TIAM1: variants seen among roughly 807,000 people sequenced by gnomAD.
The protein encoded by TIAM1 is TIAM Rac1 associated GEF 1.
Under a neutral mutation model 163.5 loss-of-function variants are expected in TIAM1, and 65 were observed. That is an observed-to-expected ratio of 0.40 (90% CI 0.33 to 0.49). The LOEUF (loss-of-function observed/expected upper bound fraction) is 0.49. TIAM1 is among the 20% of genes least tolerant of loss of function. The pLI is 0.77. For synonymous variants in TIAM1, 833 were observed against 810.1 expected (o/e 1.03, Z -0.48); for missense variants, 1,789 against 2,044.7 (o/e 0.87, Z 2.41).
At chr21:31,462,196 ACT>A (rs2045353355) in intron 2 of TIAM1, among the ~76,000 whole-genome samples, 1 of 152,250 alleles carries the variant, frequency 6.6e-6, no homozygotes, top group South Asian at 2.1e-4. Flanking sequence ...CAACTACTCA[ACT>A]CTGCTGTTGT....
chr21:31,155,520 T>G (rs1213555928), intron 16 of TIAM1, among the ~76,000 whole-genome samples: 1 of 152,216 alleles, frequency 6.6e-6, no homozygotes, highest in Non-Finnish European at 1.5e-5. Flanking sequence ...TTTTTTTTTT[T>G]TTGAGACGGA....
At chr21:31,234,977 C>A (rs993558416) in intron 6 of TIAM1, among the ~76,000 whole-genome samples, 1 of 152,136 alleles carries the variant, frequency 6.6e-6, no homozygotes, top group East Asian at 1.9e-4. Flanking sequence ...TTCCAAATTA[C>A]TCAAATATTA....
At chr21:31,158,873 T>C (rs1305011590) in intron 16 of TIAM1, among the ~76,000 whole-genome samples, 6 of 151,878 alleles carry the variant, frequency 4.0e-5, no homozygotes, top group South Asian at 2.1e-4. Flanking sequence ...ATAGGAGGAG[T>C]TGGGTTCAAG....
chr21:31,205,036 GATA>G lies in TIAM1; in HGVS notation c.2389-2027_2389-2025del, dbSNP rs563518853. 2.2e-4 allele frequency among the ~76,000 whole-genome samples: 34 copies of G among 152,312 alleles called. No homozygotes were observed. In the East Asian group the frequency reaches 6.6e-3, roughly 29 times the overall value. ...CAGATCCAAGATTGTTGATGTCAAA[GATA>G]ATAAGGCTGGAGGCGAAAGCCCAGG... is the stretch of plus-strand genomic sequence containing the variant. On this transcript the variant is annotated intron_variant, in intron 11 of 27. Coordinates refer to ENST00000541036, the MANE Select transcript of TIAM1 (RefSeq NM_001353694.2).
chr21:31,217,462 C>T (rs990092010), intron 9 of TIAM1, 91 bp downstream of exon 9: 33 of 1,513,790 alleles, frequency 2.2e-5, no homozygotes, highest in Non-Finnish European at 2.9e-5. Context: ...AAATAACACT[C>T]GGCCTCACTG....
chr21:31,135,910 TA>T, intron 23 of TIAM1, 22 bp downstream of exon 23: 1 of 1,606,564 alleles, frequency 6.2e-7, no homozygotes. Context: ...TCCCCCTCCA[TA>T]AAACGCTTTT....
intron 2 of TIAM1, among the ~76,000 whole-genome samples, chr21:31,387,807 T>A (rs371395824): frequency 3.9e-5 from 6 of 151,932 alleles, no homozygotes; most frequent in African/African-American, 1.4e-4. Context: ...AGCAGCAGTG[T>A]GTGGGTCTCT....
chr21:31,207,029 G>C (rs1358541547), intron 11 of TIAM1, among the ~76,000 whole-genome samples: 1 of 152,030 alleles, frequency 6.6e-6, no homozygotes, highest in African/African-American at 2.4e-5. Flanking sequence ...AACGCCAATG[G>C]TTATAGCATA....
intron 2 of TIAM1, among the ~76,000 whole-genome samples, chr21:31,293,124 A>C (rs559140758): frequency 6.6e-6 from 1 of 152,322 alleles, no homozygotes; most frequent in South Asian, 2.1e-4. Flanking sequence ...GTGCCCAGCC[A>C]AGATTTACTT....
At chr21:31,404,254 C>T (rs1003139140) in intron 2 of TIAM1, among the ~76,000 whole-genome samples, 2 of 152,112 alleles carry the variant, frequency 1.3e-5, no homozygotes, top group Admixed American at 6.5e-5. Flanking sequence ...AAGATAATAA[C>T]CCCAAGGAGT....
At chr21:31,438,519 A>G (rs1360344095) in intron 2 of TIAM1, among the ~76,000 whole-genome samples, 1 of 152,074 alleles carries the variant, frequency 6.6e-6, no homozygotes, top group Non-Finnish European at 1.5e-5. Context: ...ATGAGCTGAC[A>G]GTCTGTGCTG....
chr21:31,264,214 G>C (rs527247252), intron 4 of TIAM1, among the ~76,000 whole-genome samples: 2 of 151,930 alleles, frequency 1.3e-5, no homozygotes, highest in South Asian at 4.2e-4. Context: ...GGCTTCTATT[G>C]AACCCATCAC....
At chr21:31,301,471 C>T (rs542694454) in intron 2 of TIAM1, among the ~76,000 whole-genome samples, 14 of 152,128 alleles carry the variant, frequency 9.2e-5, no homozygotes, top group Non-Finnish European at 1.5e-4. Flanking sequence ...TTAATCAAAA[C>T]ATAGAATAAA....
intron 1 of TIAM1, among the ~76,000 whole-genome samples, chr21:31,469,113 C>A (rs1030957796): frequency 1.5e-5 from 2 of 130,360 alleles, no homozygotes; most frequent in Admixed American, 8.9e-5. Flanking sequence ...GACAGGGTCT[C>A]ATTCTGTCAC....
At chr21:31,547,034 A>T (rs929327985) in intron 1 of TIAM1, among the ~76,000 whole-genome samples, 2 of 152,186 alleles carry the variant, frequency 1.3e-5, no homozygotes, top group African/African-American at 4.8e-5. Context: ...AGTTGCTAGG[A>T]GGCTCATAAA....
At chr21:31,527,061 C>T (rs1049587416) in intron 1 of TIAM1, among the ~76,000 whole-genome samples, 9 of 152,102 alleles carry the variant, frequency 5.9e-5, no homozygotes, top group African/African-American at 1.9e-4. Context: ...CAAAGATATC[C>T]GGGCCACACA....
chr21:31,388,260 A>ACACACACACACACC (rs1413732260), intron 2 of TIAM1, among the ~76,000 whole-genome samples: 1 of 29,522 alleles, frequency 3.4e-5, no homozygotes, highest in Admixed American at 2.7e-4. Context: ...CACACACACA[A>ACACACACACACACC]CCTCTTACGT....
chr21:31,155,633 C>T (rs967413646), intron 16 of TIAM1, among the ~76,000 whole-genome samples: 17 of 151,972 alleles, frequency 1.1e-4, no homozygotes, highest in Non-Finnish European at 1.8e-4. Context: ...GCCTCCCGAG[C>T]AGCTGGGACT....
At chr21:31,504,677 C>T (rs879739704) in intron 1 of TIAM1, among the ~76,000 whole-genome samples, 2 of 152,192 alleles carry the variant, frequency 1.3e-5, no homozygotes, top group Non-Finnish European at 2.9e-5. Flanking sequence ...ATGACTTCTG[C>T]AGTGGAGGGG....
Sources: gnomAD v4.1 joint callset for allele counts (sites outside exome capture counted in the v4.1 genomes callset) on GRCh38, gnomAD v4.1.1 for gene constraint, MANE v1.5 for transcripts, NCBI Gene and HGNC (gene_info 2026-07-23, HGNC 2026-07-21) for gene names.